The following LEMD3 variants were observed in gnomAD, a reference collection of about 807,000 sequenced individuals.
The protein encoded by LEMD3 is LEM domain containing 3.
Under a neutral mutation model 95.2 loss-of-function variants are expected in LEMD3, and 33 were observed. The ratio of observed to expected loss-of-function variants is 0.35; its 90% CI spans 0.26 to 0.46. The LOEUF (loss-of-function observed/expected upper bound fraction) is 0.46. LEMD3 is among the 20% of genes least tolerant of loss of function. The pLI is 1.00. For missense variants in LEMD3, 1,210 were observed against 1,192.8 expected, an observed-to-expected ratio of 1.01 and a Z score of -0.21; for synonymous variants, 525 against 474.6, an observed-to-expected ratio of 1.11 and a Z score of -1.38.
intron 10 of LEMD3, 117 bp from the exon 11 acceptor site, chr12:65,245,552 C>T (rs1046825386): frequency 2.6e-6 from 2 of 755,804 alleles, no homozygotes; most frequent in Non-Finnish European, 4.7e-6. Context: ...CAATTAAAAT[C>T]GTATGTGGTT....
intron 4 of LEMD3, among the ~76,000 whole-genome samples, chr12:65,219,620 C>G (rs933794023): frequency 6.6e-6 from 1 of 152,100 alleles, no homozygotes; most frequent in African/African-American, 2.4e-5. Flanking sequence ...GTATACCGTA[C>G]AACTATATGT....
chr12:65,187,383 T>G (rs1291907797), intron 1 of LEMD3, among the ~76,000 whole-genome samples: 1 of 152,074 alleles, frequency 6.6e-6, no homozygotes, highest in Non-Finnish European at 1.5e-5. Context: ...AGTACTGTGC[T>G]AAGTTTTTCT....
chr12:65,196,130 T>A (rs997161451), intron 1 of LEMD3, among the ~76,000 whole-genome samples: 1 of 151,820 alleles, frequency 6.6e-6, no homozygotes, highest in Non-Finnish European at 1.5e-5. Flanking sequence ...TAGCTTTTCA[T>A]CTTTGGGTTG....
chr12:65,181,825 T>C (rs1868913019), intron 1 of LEMD3, among the ~76,000 whole-genome samples: 1 of 152,054 alleles, frequency 6.6e-6, no homozygotes, highest in South Asian at 2.1e-4. Context: ...GAAAATGTTA[T>C]AAAATCTGAA....
rs577256479 is a variant in LEMD3, at chr12:65,201,589, C to T, written c.1523-9337C>T. ...ATTGTGTTTTAAATTTTAAATTCCA[C>T]TTGTTCCTTACTGGCATATAGCAAA... On this transcript the variant is annotated intron_variant, in intron 1 of 12. Coordinates refer to ENST00000308330, the MANE Select transcript of LEMD3 (RefSeq NM_014319.5). Among the ~76,000 whole-genome samples the T allele has an allele frequency of 3.3e-5, 5 of 152,244 alleles. No homozygotes were observed. In the East Asian group the frequency reaches 5.8e-4, roughly 18 times the overall value.
chr12:65,186,789 A>G (rs182724035), intron 1 of LEMD3, among the ~76,000 whole-genome samples: 2 of 152,180 alleles, frequency 1.3e-5, no homozygotes, highest in Non-Finnish European at 2.9e-5. Context: ...GTAAGTAAAA[A>G]TATATAAGCA....
chr12:65,201,496 A>G (rs1869598707), intron 1 of LEMD3, among the ~76,000 whole-genome samples: 2 of 152,126 alleles, frequency 1.3e-5, no homozygotes, highest in African/African-American at 4.8e-5. Flanking sequence ...AGTTTTGCTC[A>G]TGTAGATTTT....
In LEMD3 at chr12:65,212,415, T is replaced by C. The variant is rs544905830; in HGVS notation, c.1560+1452T>C. Among the ~76,000 whole-genome samples, 19 of 151,938 alleles carry C rather than the reference T, an allele frequency of 1.3e-4. 1 individual carries two copies. The South Asian group carries it at 4.0e-3, about 32-fold the overall frequency. ...GTCCGGGCGTGGTGGCAGGCGCCTG[T>C]AGTCCCAGCTACTCGGGAGGCTGAG... On this transcript the variant is annotated intron_variant, in intron 2 of 12. Coordinates refer to ENST00000308330, the MANE Select transcript of LEMD3 (RefSeq NM_014319.5).
intron 3 of LEMD3, among the ~76,000 whole-genome samples, chr12:65,216,924 T>A (rs953275173): frequency 6.6e-6 from 1 of 152,220 alleles, no homozygotes; most frequent in Non-Finnish European, 1.5e-5. Flanking sequence ...CCTTCTTTGC[T>A]TTGATTGTCA....
intron 4 of LEMD3, among the ~76,000 whole-genome samples, chr12:65,230,298 CT>C (rs1235246431): frequency 6.6e-6 from 1 of 152,074 alleles, no homozygotes; most frequent in African/African-American, 2.4e-5. Context: ...TCCATATGAA[CT>C]TTAGAATTGT....
At chr12:65,204,060 TG>T (rs1329727154) in intron 1 of LEMD3, among the ~76,000 whole-genome samples, 1 of 152,190 alleles carries the variant, frequency 6.6e-6, no homozygotes, top group Non-Finnish European at 1.5e-5. Flanking sequence ...AACTTATACT[TG>T]GGTCTTGTTT....
At chr12:65,194,234 T>G (rs745798035) in intron 1 of LEMD3, among the ~76,000 whole-genome samples, 9 of 152,126 alleles carry the variant, frequency 5.9e-5, no homozygotes, top group African/African-American at 9.6e-5. Flanking sequence ...CCCACTGTAT[T>G]CTTGTAACCA....
chr12:65,244,285 ACC>A (rs932123645), intron 10 of LEMD3, among the ~76,000 whole-genome samples: 1 of 144,916 alleles, frequency 6.9e-6, no homozygotes, highest in African/African-American at 2.5e-5. Context: ...ACACACACAC[ACC>A]CCCCCCACAC....
At chr12:65,244,327 C>T (rs1414818885) in intron 10 of LEMD3, among the ~76,000 whole-genome samples, 3 of 147,526 alleles carry the variant, frequency 2.0e-5, no homozygotes, top group Non-Finnish European at 4.5e-5. Flanking sequence ...CTCTATTTTG[C>T]AGAGATAGAA....
At chr12:65,174,190 CT>C (rs1256192162) in intron 1 of LEMD3, among the ~76,000 whole-genome samples, 2 of 152,070 alleles carry the variant, frequency 1.3e-5, no homozygotes, top group African/African-American at 4.8e-5. Flanking sequence ...GTCTTTGAAA[CT>C]TTTTCATCAA....
intron 1 of LEMD3, among the ~76,000 whole-genome samples, chr12:65,177,266 G>A (rs1425022883): frequency 6.6e-6 from 1 of 152,196 alleles, no homozygotes; most frequent in Non-Finnish European, 1.5e-5. Context: ...TAGGGTTGGA[G>A]GGAAGGAGTA....
intron 1 of LEMD3, among the ~76,000 whole-genome samples, chr12:65,201,882 C>G (rs1869610305): frequency 6.6e-6 from 1 of 152,032 alleles, no homozygotes; most frequent in South Asian, 2.1e-4. Flanking sequence ...CTTTGAGTTT[C>G]TCACCATTAA....
At chr12:65,195,583 G>C (rs1271571734) in intron 1 of LEMD3, among the ~76,000 whole-genome samples, 1 of 152,096 alleles carries the variant, frequency 6.6e-6, no homozygotes, top group Non-Finnish European at 1.5e-5. Flanking sequence ...TCTTAGGTTA[G>C]ACTAGGTAGA....
chr12:65,228,402 AT>A lies in LEMD3; in HGVS notation c.1695+9794del, dbSNP rs71096032. Among the ~76,000 whole-genome samples, 402 of 140,592 alleles carry A rather than the reference AT, an allele frequency of 2.9e-3. 9 individuals carry two copies. The highest frequency in any genetic ancestry group is 9.8e-3 in the African/African-American group (365 of 37,372). 92.2% of individuals were successfully genotyped at this position (140,592 alleles called of 152,430 possible). A position where few individuals can be genotyped will look rare whatever the true frequency, so the allele number is the denominator to read the frequency against. Reference sequence around the variant, plus strand: ...ATTGTTATTATTTATTTATTTATTTATTTTTTTTTTTGAGGTGGAGTCTTGC... The same window carrying A: ...ATTGTTATTATTTATTTATTTATTTATTTTTTTTTTGAGGTGGAGTCTTGC... On this transcript the variant is annotated intron_variant, in intron 4 of 12. Transcript: ENST00000308330.
Sources: gnomAD v4.1 joint callset for allele counts (sites outside exome capture counted in the v4.1 genomes callset) on GRCh38, gnomAD v4.1.1 for gene constraint, MANE v1.5 for transcripts, NCBI Gene and HGNC (gene_info 2026-07-23, HGNC 2026-07-21) for gene names.